Variants in ZFHX3 observed in about 807,000 individuals in gnomAD.
ZFHX3 encodes zinc finger homeobox protein 3.
In ZFHX3, 42 loss-of-function variants were observed where a neutral mutation model predicts 279.1. The ratio of observed to expected loss-of-function variants is 0.15; its 90% CI spans 0.12 to 0.19. The LOEUF is 0.19. Among genes scored for constraint, ZFHX3 ranks in the 10% least tolerant of loss-of-function variants. The pLI is 1.00. For synonymous variants in ZFHX3, 2,293 were observed against 1,957.8 expected (o/e 1.17, Z -4.52); for missense variants, 4,981 against 4,754.0 (o/e 1.05, Z -1.40).
At chr16:73,186,633 A>T (rs367973851) in intron 5 of ZFHX3, among the ~76,000 whole-genome samples, 27 of 150,542 alleles carry the variant, frequency 1.8e-4, no homozygotes, top group African/African-American at 6.6e-4. Flanking sequence ...CCTTTTCTTC[A>T]TGAAAAACAT....
chr16:73,852,308 G>T (rs1028255570), intron 1 of ZFHX3, among the ~76,000 whole-genome samples: 1 of 152,136 alleles, frequency 6.6e-6, no homozygotes, highest in Non-Finnish European at 1.5e-5. Flanking sequence ...CCTGTTAATG[G>T]TGAGTCTACT....
At chr16:73,503,714 T>G (rs1225399857) in intron 2 of ZFHX3, among the ~76,000 whole-genome samples, 1 of 152,200 alleles carries the variant, frequency 6.6e-6, no homozygotes, top group Non-Finnish European at 1.5e-5. Context: ...AAACATTTCG[T>G]CAGAGAAACG....
At chr16:73,832,249 C>A (rs1445290750) in intron 1 of ZFHX3, among the ~76,000 whole-genome samples, 1 of 151,422 alleles carries the variant, frequency 6.6e-6, no homozygotes, top group African/African-American at 2.4e-5. Context: ...TGGTTTTTGA[C>A]CCAGGTGGCA....
chr16:73,097,947 G>C (rs1227165341), intron 7 of ZFHX3, among the ~76,000 whole-genome samples: 1 of 152,106 alleles, frequency 6.6e-6, no homozygotes, highest in African/African-American at 2.4e-5. Context: ...CCACTGTATG[G>C]ATATACCACA....
chr16:73,190,968 G>A (rs1407361733), intron 5 of ZFHX3, among the ~76,000 whole-genome samples: 3 of 151,838 alleles, frequency 2.0e-5, no homozygotes, highest in Non-Finnish European at 4.4e-5. Context: ...TAGGGGAAAC[G>A]TGTTGGCTTA....
At chr16:72,857,954 C>A (rs2037793095) in intron 4 of ZFHX3, among the ~76,000 whole-genome samples, 1 of 152,226 alleles carries the variant, frequency 6.6e-6, no homozygotes, top group Non-Finnish European at 1.5e-5. Flanking sequence ...GTGTGAACTA[C>A]CGGAGTAAGA....
Position 72,788,032 on chromosome 16 carries a change from G to C in ZFHX3, c.10244C>G (p.Ala3415Gly). 1 of 1,613,016 alleles carries C rather than the reference G, an allele frequency of 6.2e-7. No homozygotes were observed. Among genetic ancestry groups the C allele is most frequent in the Non-Finnish European group, 8.5e-7 (1 of 1,179,960 alleles). ...PGAPSPDKDP[A>G]KESPKPEEQK... ...TTCTTCTGGTTTGGGGGATTCTTTG[G>C]CAGGGTCTTTGTCTGGGGAAGGAGC... The change falls in exon 10 of 10, where the codon GCC (alanine) becomes GGC (glycine). Residue 3415 changes from alanine to glycine, a missense_variant. Coordinates refer to ENST00000268489, the MANE Select transcript of ZFHX3 (RefSeq NM_006885.4).
At chr16:73,669,829 A>G (rs1318136949) in intron 2 of ZFHX3, among the ~76,000 whole-genome samples, 1 of 152,222 alleles carries the variant, frequency 6.6e-6, no homozygotes, top group Non-Finnish European at 1.5e-5. Flanking sequence ...AACCCCAAAC[A>G]GCTTTGCTGG....
chr16:73,473,339 C>CAGAAAAAA (rs2018702704), intron 2 of ZFHX3, among the ~76,000 whole-genome samples: 2 of 76,658 alleles, frequency 2.6e-5, no homozygotes, highest in Non-Finnish European at 4.6e-5. Context: ...TGTCTCAAAG[C>CAGAAAAAA]AAAAAAAAAA....
intron 2 of ZFHX3, among the ~76,000 whole-genome samples, chr16:73,466,182 A>G (rs538620615): frequency 5.7e-5 from 1 of 17,528 alleles, no homozygotes; most frequent in Non-Finnish European, 1.5e-4. Flanking sequence ...AATCGCATGA[A>G]AAAAAAAAAT....
chr16:72,822,579 A>G (rs1343193952), intron 5 of ZFHX3, among the ~76,000 whole-genome samples: 2 of 152,214 alleles, frequency 1.3e-5, no homozygotes, highest in Admixed American at 6.5e-5. Flanking sequence ...GTACTTTACA[A>G]TTGGCACAAA....
At chr16:72,821,624 A>G (rs943133469) in intron 5 of ZFHX3, among the ~76,000 whole-genome samples, 6 of 152,214 alleles carry the variant, frequency 3.9e-5, no homozygotes, top group Non-Finnish European at 7.3e-5. Context: ...CTTGCTAGGT[A>G]ATAAAGCACA....
At chr16:73,073,149 G>A (rs536192719) in intron 8 of ZFHX3, among the ~76,000 whole-genome samples, 4 of 151,698 alleles carry the variant, frequency 2.6e-5, no homozygotes, top group East Asian at 1.9e-4. Context: ...TGCTTGCCTC[G>A]GCCTCCCAAA....
intron 5 of ZFHX3, among the ~76,000 whole-genome samples, chr16:73,178,790 A>G (rs886917905): frequency 1.3e-5 from 2 of 152,174 alleles, no homozygotes; most frequent in Admixed American, 1.3e-4. Flanking sequence ...CAGAAGCAAT[A>G]TAATATTTTA....
chr16:73,431,592 T>C (rs1049806241), intron 3 of ZFHX3, among the ~76,000 whole-genome samples: 1 of 152,190 alleles, frequency 6.6e-6, no homozygotes, highest in African/African-American at 2.4e-5. Context: ...CCATAAATGT[T>C]CCATTATTTA....
chr16:73,881,480 G>GCC (rs796522913), intron 1 of ZFHX3, among the ~76,000 whole-genome samples: 620 of 23,474 alleles, frequency 0.026, 46 homozygotes, highest in Middle Eastern at 0.05. Context: ...CTCTCTCTCT[G>GCC]CCCCCCCCCC....
At chr16:72,931,439 AC>A in intron 3 of ZFHX3, among the ~76,000 whole-genome samples, 1 of 146,350 alleles carries the variant, frequency 6.8e-6, no homozygotes, top group East Asian at 1.9e-4. Context: ...ACACACACAC[AC>A]ACACACACAC....
At chr16:72,873,723 A>T (rs542301922) in intron 4 of ZFHX3, among the ~76,000 whole-genome samples, 24 of 152,288 alleles carry the variant, frequency 1.6e-4, no homozygotes, top group Middle Eastern at 3.4e-3. Context: ...AATTGTCCAT[A>T]ATCAGTGCTG....
chr16:73,680,908 T>G (rs551552023), intron 1 of ZFHX3, among the ~76,000 whole-genome samples: 6 of 152,290 alleles, frequency 3.9e-5, no homozygotes, highest in Admixed American at 3.3e-4. Flanking sequence ...TAGCTTCCAG[T>G]GAGCAGGATC....
Sources: allele counts gnomAD v4.1 joint callset (sites outside exome capture counted in the v4.1 genomes callset), GRCh38; gene constraint gnomAD v4.1.1; transcripts MANE v1.5; gene names NCBI Gene and HGNC (gene_info 2026-07-23, HGNC 2026-07-21).